The following BTRC variants were observed in gnomAD, a reference collection of about 807,000 sequenced individuals.
The protein encoded by BTRC is beta-transducin repeat containing E3 ubiquitin protein ligase, also known as F-box/WD repeat-containing protein 1A.
In BTRC, 42 loss-of-function variants were observed where a neutral mutation model predicts 85.5. That is an observed-to-expected ratio of 0.49 (90% confidence interval 0.38 to 0.64). The LOEUF (loss-of-function observed/expected upper bound fraction) is 0.64, where lower values mean the gene tolerates loss of function less well. Ranked by LOEUF, BTRC falls within the 30% of genes least tolerant of loss-of-function variation. The pLI is 0.00. For missense variants in BTRC, 594 were observed against 743.5 expected, an observed-to-expected ratio of 0.80 and a Z score of 2.34; for synonymous variants, 255 against 263.3, an observed-to-expected ratio of 0.97 and a Z score of 0.30.
At chr10:101,382,890 C>A (rs1405892208) in intron 1 of BTRC, among the ~76,000 whole-genome samples, 2 of 151,852 alleles carry the variant, frequency 1.3e-5, no homozygotes, top group Non-Finnish European at 2.9e-5. Flanking sequence ...TGAACTTAGA[C>A]CAATTAAAGT....
intron 2 of BTRC, among the ~76,000 whole-genome samples, chr10:101,458,606 ACCTCTTTAGTTT>A (rs1444703974): frequency 4.6e-5 from 7 of 152,170 alleles, no homozygotes; most frequent in African/African-American, 1.4e-4. Context: ...TGTGTGCTAT[ACCTCTTTAGTTT>A]CCTTTAATCT....
intron 13 of BTRC, among the ~76,000 whole-genome samples, chr10:101,540,302 G>A (rs1418829656): frequency 6.6e-6 from 1 of 152,110 alleles, no homozygotes; most frequent in African/African-American, 2.4e-5. Context: ...CTTTGCATAT[G>A]GTACAAGGTG....
intron 4 of BTRC, among the ~76,000 whole-genome samples, chr10:101,512,961 A>G (rs1257103498): frequency 6.6e-6 from 1 of 152,248 alleles, no homozygotes; most frequent in Non-Finnish European, 1.5e-5. Flanking sequence ...TGGTTGAGTC[A>G]TCAGGCTTTT....
chr10:101,419,754 C>T (rs1944047652), intron 1 of BTRC, among the ~76,000 whole-genome samples: 2 of 152,228 alleles, frequency 1.3e-5, no homozygotes, highest in African/African-American at 2.4e-5. Context: ...TGCCTGCTAC[C>T]GTTATCCATT....
rs1031566632 is a variant in BTRC, at chr10:101,452,073, A to C, written c.157-9908A>C. 3.9e-5 allele frequency among the ~76,000 whole-genome samples: 6 copies of C among 152,310 alleles called. No individual in the cohort carries two copies. The South Asian group carries it at 1.2e-3, about 32-fold the overall frequency. ...TCAAATTTGCATAGAGAATTGCTCG[A>C]ATCTCAGTAAATTATGATCCTGTTT... On this transcript the variant is annotated intron_variant, in intron 2 of 14. Coordinates refer to ENST00000370187, the MANE Select transcript of BTRC (RefSeq NM_033637.4).
intron 13 of BTRC, among the ~76,000 whole-genome samples, chr10:101,547,328 C>CTTTTTTTTTTTTTTTTTTTT (rs71016332): frequency 2.5e-5 from 2 of 79,636 alleles, no homozygotes; most frequent in Non-Finnish European, 4.9e-5. Flanking sequence ...TATGGTTTTT[C>CTTTTTTTTTTTTTTTTTTTT]TTTTTTTTTT....
intron 2 of BTRC, among the ~76,000 whole-genome samples, chr10:101,444,282 GT>G (rs1944766607): frequency 6.6e-6 from 1 of 152,122 alleles, no homozygotes; most frequent in Non-Finnish European, 1.5e-5. Flanking sequence ...CCTCCTACTG[GT>G]TGATCATAGA....
chr10:101,378,140 G>T (rs1178559655), intron 1 of BTRC, among the ~76,000 whole-genome samples: 1 of 152,038 alleles, frequency 6.6e-6, no homozygotes, highest in Non-Finnish European at 1.5e-5. Context: ...GGCAAGGAAG[G>T]CTTTCCCTTG....
intron 2 of BTRC, among the ~76,000 whole-genome samples, chr10:101,432,818 C>A (rs933227158): frequency 6.6e-6 from 1 of 152,180 alleles, no homozygotes; most frequent in African/African-American, 2.4e-5. Context: ...CCCATGGAGT[C>A]ATGGATGGCA....
chr10:101,460,617 A>G (rs756911446), intron 2 of BTRC, among the ~76,000 whole-genome samples: 7 of 152,246 alleles, frequency 4.6e-5, no homozygotes, highest in Non-Finnish European at 1.0e-4. Context: ...ACTAAAGGTG[A>G]CACACAGGTG....
At chr10:101,532,784 G>GTGTGTATA (rs1554895661) in intron 8 of BTRC, among the ~76,000 whole-genome samples, 168 bp from the exon 9 acceptor site, 3 of 145,766 alleles carry the variant, frequency 2.1e-5, no homozygotes, top group Non-Finnish European at 4.5e-5. Context: ...GTGTGTGTGT[G>GTGTGTATA]TGTGTGCGCG....
chr10:101,430,308 C>G (rs1323205586), intron 1 of BTRC, 37 bp from the exon 2 acceptor site: 1 of 1,458,884 alleles, frequency 6.9e-7, no homozygotes, highest in East Asian at 2.3e-5. Context: ...CATCCTGTCT[C>G]ATACTGTCCC....
chr10:101,445,349 A>G (rs1246303436), intron 2 of BTRC, among the ~76,000 whole-genome samples: 2 of 152,172 alleles, frequency 1.3e-5, no homozygotes, highest in African/African-American at 4.8e-5. Context: ...TGTTTTCCCT[A>G]TTTGAGATTC....
At chr10:101,451,046 A>G (rs1944943967) in intron 2 of BTRC, among the ~76,000 whole-genome samples, 1 of 152,220 alleles carries the variant, frequency 6.6e-6, no homozygotes, top group African/African-American at 2.4e-5. Context: ...CAGTTTGCAC[A>G]GCAGTTTTTG....
At chr10:101,466,237 G>A (rs1945368451) in intron 3 of BTRC, among the ~76,000 whole-genome samples, 1 of 152,126 alleles carries the variant, frequency 6.6e-6, no homozygotes, top group African/African-American at 2.4e-5. Flanking sequence ...ACCATCCTGA[G>A]AACGTGGGCA....
At chr10:101,552,058 GTTAC>G (rs912919650) in intron 14 of BTRC, among the ~76,000 whole-genome samples, 1 of 151,846 alleles carries the variant, frequency 6.6e-6, no homozygotes, top group African/African-American at 2.4e-5. Context: ...AGACTTCCGT[GTTAC>G]TTTGCCATTT....
intron 1 of BTRC, among the ~76,000 whole-genome samples, chr10:101,424,755 GATACTATATTCTTCTTGAAGCA>G (rs1157470578): frequency 2.0e-5 from 3 of 152,158 alleles, no homozygotes; most frequent in Non-Finnish European, 4.4e-5. Context: ...ATGGGCACTA[GATACTATATTCTTCTTGAAGCA>G]CTGGAGGCCC....
intron 13 of BTRC, among the ~76,000 whole-genome samples, chr10:101,547,942 CA>C (rs1207168140): frequency 3.4e-4 from 52 of 152,186 alleles, no homozygotes; most frequent in African/African-American, 1.1e-3. Flanking sequence ...AAGCATTTGA[CA>C]AAATCCAACA....
intron 2 of BTRC, among the ~76,000 whole-genome samples, chr10:101,434,237 A>G (rs1009099339): frequency 2.6e-5 from 4 of 152,218 alleles, no homozygotes; most frequent in African/African-American, 7.2e-5. Context: ...AGATATTTTA[A>G]TACCATTTTC....
Sources: gnomAD v4.1 joint callset for allele counts (sites outside exome capture counted in the v4.1 genomes callset) on GRCh38, gnomAD v4.1.1 for gene constraint, MANE v1.5 for transcripts, NCBI Gene and HGNC (gene_info 2026-07-23, HGNC 2026-07-21) for gene names.